REPS2: variants seen among roughly 807,000 people sequenced by gnomAD.
The protein encoded by REPS2 is ralBP1-associated Eps domain-containing protein 2.
In REPS2, 23 loss-of-function variants were observed where a neutral mutation model predicts 53.6. The observed-to-expected ratio is 0.43, with a 90% CI of 0.31 to 0.61. The LOEUF is 0.61. Ranked by LOEUF, REPS2 falls within the 20% of genes least tolerant of loss-of-function variation. The pLI is 0.11. For missense variants in REPS2, 446 were observed against 534.9 expected (o/e 0.83, Z 1.64); for synonymous variants, 238 against 218.6 (o/e 1.09, Z -0.78).
chrX:17,157,459 TGGGTTTA>T (rs1267742698), downstream of REPS2, among the ~76,000 whole-genome samples: 11 of 112,291 alleles, frequency 9.8e-5, no homozygotes, highest in African/African-American at 2.9e-4. Flanking sequence ...GTTTCCATTA[TGGGTTTA>T]GGCCAGTTGT....
At chrX:17,090,758 A>T (rs2062604671) in intron 13 of REPS2, among the ~76,000 whole-genome samples, 1 of 111,921 alleles carries the variant, frequency 8.9e-6, no homozygotes, top group Non-Finnish European at 1.9e-5. Context: ...GTAATGTTAA[A>T]TTTTTTCCTT....
At chrX:17,012,380 A>AAACAACAACAACAAC (rs370794081) in intron 2 of REPS2, among the ~76,000 whole-genome samples, 1,139 of 101,918 alleles carry the variant, frequency 0.011, 20 homozygotes, top group African/African-American at 0.04. Context: ...TGCCATCTCA[A>AAACAACAACAACAAC]AACAACAACA....
rs769079414 is a variant in REPS2, at chrX:16,959,440, G to C, written c.273+12306G>C. ...TCAGAGTGAGGCTTTCCGTGAGTTG[G>C]AGTGTTTGTCCTTATTCATGACACT... is the stretch of plus-strand genomic sequence containing the variant. On this transcript the variant is annotated intron_variant, in intron 1 of 17. Coordinates refer to ENST00000357277, the MANE Select transcript of REPS2 (RefSeq NM_004726.3). Among the ~76,000 whole-genome samples, 4 of 112,030 alleles carry C rather than the reference G, an allele frequency of 3.6e-5. No individual in the cohort carries two copies. In the South Asian group the frequency reaches 1.5e-3, roughly 42 times the overall value.
intron 1 of REPS2, among the ~76,000 whole-genome samples, chrX:16,968,448 G>T (rs1337083830): frequency 9.4e-6 from 1 of 105,848 alleles, no homozygotes; most frequent in African/African-American, 3.4e-5. Context: ...CCTCCCGGAC[G>T]GGGCGGCTGG....
chrX:16,966,474 C>T (rs1214878422), intron 1 of REPS2, among the ~76,000 whole-genome samples: 1 of 112,072 alleles, frequency 8.9e-6, no homozygotes. Context: ...AGTCTAAACA[C>T]GAAATTCATT....
chrX:17,050,250 T>A (rs1198252845), intron 6 of REPS2, among the ~76,000 whole-genome samples: 9 of 91,583 alleles, frequency 9.8e-5, no homozygotes, highest in Non-Finnish European at 1.3e-4. Flanking sequence ...AGTGCAGTGA[T>A]GTGATCTCGG....
chrX:17,130,522 C>A (rs2063278088), intron 14 of REPS2, among the ~76,000 whole-genome samples: 1 of 111,777 alleles, frequency 8.9e-6, no homozygotes, highest in Non-Finnish European at 1.9e-5. Flanking sequence ...ACCCATGAGA[C>A]TGGGTGCTTC....
intron 13 of REPS2, among the ~76,000 whole-genome samples, chrX:17,088,405 T>C (rs2062570096): frequency 9.0e-6 from 1 of 110,689 alleles, no homozygotes; most frequent in South Asian, 3.8e-4. Flanking sequence ...TTAACCCTTA[T>C]TGCGTATCCT....
chrX:17,023,096 C>A (rs149950045), intron 3 of REPS2, among the ~76,000 whole-genome samples: 25 of 112,373 alleles, frequency 2.2e-4, no homozygotes, highest in Admixed American at 1.9e-3. Context: ...AAATTATGTT[C>A]AACATAGTGT....
At chrX:17,130,869 G>A (rs1603100281) in intron 14 of REPS2, among the ~76,000 whole-genome samples, 1 of 111,980 alleles carries the variant, frequency 8.9e-6, no homozygotes, top group Non-Finnish European at 1.9e-5. Flanking sequence ...ATAAGATGGG[G>A]ATAATAACTA....
At chrX:17,044,871 G>A (rs2061884453) in intron 5 of REPS2, among the ~76,000 whole-genome samples, 2 of 112,042 alleles carry the variant, frequency 1.8e-5, no homozygotes, top group South Asian at 7.4e-4. Context: ...GGAGTATTTT[G>A]GAAGGTTGTG....
At chrX:17,057,467 C>T (rs2062086770) in intron 8 of REPS2, among the ~76,000 whole-genome samples, 1 of 112,414 alleles carries the variant, frequency 8.9e-6, no homozygotes, top group Non-Finnish European at 1.9e-5. Context: ...CTTCAAATGT[C>T]CTCATAAAAT....
intron 15 of REPS2, among the ~76,000 whole-genome samples, chrX:17,134,579 A>G (rs2063337138): frequency 9.0e-6 from 1 of 111,541 alleles, no homozygotes; most frequent in Non-Finnish European, 1.9e-5. Flanking sequence ...TGATGAGCAT[A>G]TGACTAAGAC....
chrX:17,019,471 GT>G (rs376545101), intron 2 of REPS2, among the ~76,000 whole-genome samples: 58 of 111,351 alleles, frequency 5.2e-4, no homozygotes, highest in African/African-American at 1.7e-3. Context: ...TGTATAGCAG[GT>G]ACTTTATTGA....
rs1357734496 is a variant in REPS2 at position 17,149,983 on chromosome X, C to T, written c.*2502C>T. 1 of 111,750 alleles carries T rather than the reference C, an allele frequency of 8.9e-6. No homozygotes were observed. The highest frequency in any genetic ancestry group is 2.8e-4 in the East Asian group (1 of 3,558). 9.2% of individuals were successfully genotyped at this position (111,750 alleles called of 1,213,427 possible). A position where few individuals can be genotyped will look rare whatever the true frequency, so the allele number is the denominator to read the frequency against. On this transcript the variant is annotated 3_prime_UTR_variant, in exon 18 of 18. Transcript: ENST00000357277. ...ATAGGCGAGCACACACTAATAATAT[C>T]TATGCCTACCTTCTTGGGTGGACTC...
At chrX:17,126,407 G>A (rs2063211868) in intron 14 of REPS2, among the ~76,000 whole-genome samples, 1 of 112,460 alleles carries the variant, frequency 8.9e-6, no homozygotes, top group Non-Finnish European at 1.9e-5. Flanking sequence ...TTCTTCCTTT[G>A]TTCCTCTAAA....
chrX:16,954,804 A>ATT (rs2060571443), intron 1 of REPS2, among the ~76,000 whole-genome samples: 1 of 77,717 alleles, frequency 1.3e-5, no homozygotes. Flanking sequence ...ATTATTTATA[A>ATT]CTTTTTTTTT....
downstream of REPS2, among the ~76,000 whole-genome samples, chrX:17,158,172 C>T (rs989698242): frequency 2.7e-5 from 3 of 112,105 alleles, no homozygotes; most frequent in Non-Finnish European, 5.6e-5. Flanking sequence ...TCAAGATAAT[C>T]TGGAAGAACG....
chrX:17,158,753 G>T, the REPS2 span, among the ~76,000 whole-genome samples: 4 of 111,975 alleles, frequency 3.6e-5, no homozygotes, highest in Middle Eastern at 4.2e-3. Context: ...AACACTGAGG[G>T]GAAAGAAACC....
Sources: allele counts gnomAD v4.1 joint callset (sites outside exome capture counted in the v4.1 genomes callset), GRCh38; gene constraint gnomAD v4.1.1; transcripts MANE v1.5; gene names NCBI Gene and HGNC (gene_info 2026-07-23, HGNC 2026-07-21).